ABCA8: variants seen among roughly 807,000 people sequenced by gnomAD.
ABCA8 encodes ABC-type organic anion transporter ABCA8.
Under a neutral mutation model 192.3 loss-of-function variants are expected in ABCA8, and 177 were observed. The ratio of observed to expected loss-of-function variants is 0.92; its 90% CI spans 0.81 to 1.04. The LOEUF (loss-of-function observed/expected upper bound fraction) is 1.04. Ranked by LOEUF, ABCA8 falls within the 50% of genes least tolerant of loss-of-function variation. The probability of loss-of-function intolerance (pLI) is 0.00; values close to 1 mark genes in which losing one functional copy is unlikely to be tolerated. For synonymous variants in ABCA8, 642 were observed against 690.2 expected (o/e 0.93, Z 1.09); for missense variants, 1,915 against 1,904.8 (o/e 1.01, Z -0.10).
chr17:68,878,609 G>C (rs147104478), intron 32 of ABCA8: 1 of 152,172 alleles, frequency 6.6e-6, no homozygotes, highest in Admixed American at 6.5e-5. Context: ...TCTACTTCAG[G>C]TCAGACTTAC....
chr17:68,954,412 A>G (rs1019821816), intron 1 of ABCA8, among the ~76,000 whole-genome samples: 3 of 152,118 alleles, frequency 2.0e-5, no homozygotes, highest in East Asian at 1.9e-4. Context: ...ATCGTAAAGT[A>G]TTATTGCCAA....
intron 17 of ABCA8, among the ~76,000 whole-genome samples, chr17:68,916,495 T>C (rs1324160029): frequency 6.6e-6 from 1 of 152,140 alleles, no homozygotes; most frequent in Non-Finnish European, 1.5e-5. Flanking sequence ...TGTACCCCCA[T>C]AAATCTATAC....
At chr17:68,880,331 G>T (rs572118670) in intron 32 of ABCA8, 1 of 152,096 alleles carries the variant, frequency 6.6e-6, no homozygotes, top group Admixed American at 6.5e-5. Flanking sequence ...CTATTCTGTC[G>T]CTCAGTGAAG....
rs2066366712 is a variant in ABCA8 at position 68,882,736 on chromosome 17, C to G, written c.3708-17G>C. On this transcript the variant is annotated splice_polypyrimidine_tract_variant and intron_variant, in intron 29 of 39. Coordinates refer to ENST00000586539, the MANE Select transcript of ABCA8 (RefSeq NM_001288985.2). ...GGAGAAATTCTAGAGTCAAAACCAT[C>G]CATTAATATTGATTTCTGGCTTTCA... 10 of 1,602,200 alleles carry G rather than the reference C, an allele frequency of 6.2e-6. No homozygotes were observed. The highest frequency in any genetic ancestry group is 1.3e-5 in the African/African-American group (1 of 74,328).
Position 68,929,214 on chromosome 17 carries a change from C to A in ABCA8, c.960G>T (p.Met320Ile), listed in dbSNP as rs747938078. Residue 320 changes from methionine to isoleucine, a missense_variant, in exon 9 of 40, where the codon ATG becomes ATT. Physicochemically the swap from Met to Ile is conservative, Grantham distance 10. Coordinates refer to ENST00000586539, the MANE Select transcript of ABCA8 (RefSeq NM_001288985.2). ...GGAAAGATTTCTTTACCAAGATGCTCATTAAGAAAGCCAAAGCTACCTAAA... is the reference window on the plus strand; with the variant it reads ...GGAAAGATTTCTTTACCAAGATGCTAATTAAGAAAGCCAAAGCTACCTAAA... ...GLSLVALAFL[M>I]SILVKKSFLT... 2.2e-5 allele frequency: 35 copies of A among 1,598,328 alleles called. No individual in the cohort carries two copies. Among genetic ancestry groups the A allele is most frequent in the Non-Finnish European group, 3.0e-5 (35 of 1,173,444 alleles).
At chr17:68,896,908 A>G (rs1026334834) in intron 21 of ABCA8, among the ~76,000 whole-genome samples, 11 of 152,208 alleles carry the variant, frequency 7.2e-5, no homozygotes, top group African/African-American at 2.4e-4. Flanking sequence ...TTGCACCTCA[A>G]ACTGTAGAAG....
rs1277728093 is a variant in ABCA8 at position 68,918,564 on chromosome 17, T to C, written c.1789-18A>G. The C allele has an allele frequency of 6.8e-7, 1 of 1,467,882 alleles. No homozygotes were observed. The highest frequency in any genetic ancestry group is 8.9e-7 in the Non-Finnish European group (1 of 1,120,074). 90.9% of individuals were successfully genotyped at this position (1,467,882 alleles called of 1,614,324 possible). A position where few individuals can be genotyped will look rare whatever the true frequency, so the allele number is the denominator to read the frequency against. On this transcript the variant is annotated intron_variant, in intron 14 of 39. Coordinates refer to ENST00000586539, the MANE Select transcript of ABCA8 (RefSeq NM_001288985.2). ...CTTTGTATCTAACCAAAAGACAGTA[T>C]TTATGTCATACACCAAAATTTATTC...
intron 10 of ABCA8, among the ~76,000 whole-genome samples, chr17:68,927,229 G>A (rs890056866): frequency 3.3e-5 from 5 of 152,070 alleles, no homozygotes; most frequent in African/African-American, 1.2e-4. Context: ...CTGCACTCCA[G>A]CCTGGATGAC....
chr17:68,924,585 T>C (rs1342744635), intron 11 of ABCA8, 116 bp downstream of exon 11: 2 of 1,100,782 alleles, frequency 1.8e-6, no homozygotes, highest in East Asian at 2.5e-5. Context: ...AGAAGCAGCA[T>C]AGGTGAGGAC....
chr17:68,897,649 TAA>T (rs1271900933), intron 21 of ABCA8, among the ~76,000 whole-genome samples: 1 of 152,074 alleles, frequency 6.6e-6, no homozygotes, highest in African/African-American at 2.4e-5. Context: ...ATTATACCAA[TAA>T]AAAGTTATTT....
intron 32 of ABCA8, chr17:68,879,295 A>C (rs1414089887): frequency 6.6e-6 from 1 of 152,234 alleles, no homozygotes; most frequent in Non-Finnish European, 1.5e-5. Context: ...AGTTTTATGA[A>C]AGATTAAATA....
chr17:68,943,079 C>T (rs1211917400), intron 2 of ABCA8, among the ~76,000 whole-genome samples: 1 of 151,992 alleles, frequency 6.6e-6, no homozygotes, highest in East Asian at 1.9e-4. Flanking sequence ...GCTCTCTTTA[C>T]TAATTTGTTG....
rs139470308 is a variant in ABCA8 at position 68,877,566 on chromosome 17, G to A, written c.4152C>T (p.Ala1384=). Residue 1384 remains alanine, a synonymous_variant, in exon 33 of 40, where the codon GCC becomes GCT. Coordinates refer to ENST00000586539, the MANE Select transcript of ABCA8 (RefSeq NM_001288985.2). ...LTVRQHLEVY[A]AVKGLRKGDA... is the part of the protein sequence containing the mutation. ...CCCCTTTCCTCAGCCCTTTCACGGCGGCGTACACCTCCAGGTGCTGCCTCA... is the reference window on the plus strand; with the variant it reads ...CCCCTTTCCTCAGCCCTTTCACGGCAGCGTACACCTCCAGGTGCTGCCTCA... 1.9e-5 allele frequency: 31 copies of A among 1,613,810 alleles called. No individual in the cohort carries two copies. The African/African-American group carries it at 2.1e-4, about 11-fold the overall frequency.
intron 24 of ABCA8, among the ~76,000 whole-genome samples, chr17:68,888,630 T>C (rs1453605597): frequency 6.6e-6 from 1 of 152,124 alleles, no homozygotes; most frequent in Non-Finnish European, 1.5e-5. Context: ...ATGGAGAAAA[T>C]AGCAAGGGGG....
intron 22 of ABCA8, among the ~76,000 whole-genome samples, 184 bp from the exon 23 acceptor site, chr17:68,894,494 TA>T (rs1313663130): frequency 6.6e-5 from 10 of 152,212 alleles, no homozygotes; most frequent in Non-Finnish European, 1.5e-4. Context: ...AACATGTATA[TA>T]GTAAAACTAA....
At position 68,929,680 on chromosome 17, in the gene ABCA8, C is replaced by T; in HGVS notation, c.820G>A (p.Ala274Thr). 6.2e-7 allele frequency: 1 copy of T among 1,613,138 alleles called. No individual in the cohort carries two copies. ...AGGGCCATAATGAAGATGAAACCAG[C>T]ATAGAGCAAACCCCAGGAGAGCCTA... ...AFWLSWGLLY[A>T]GFIFIMALFL... The change falls in exon 8 of 40, where the codon GCT becomes ACT. Residue 274 changes from alanine (A) to threonine (T), a missense_variant. Ala to Thr is a moderately conservative substitution (Grantham distance 58). Coordinates refer to ENST00000586539, the MANE Select transcript of ABCA8 (RefSeq NM_001288985.2).
In ABCA8 at chr17:68,868,073, G is replaced by T. The variant is rs1213594264; in HGVS notation, c.*12C>A. On this transcript the variant is annotated 3_prime_UTR_variant, in exon 40 of 40. Transcript: ENST00000586539. ...AACCACGGGTTTAAACAGGAACACA[G>T]AATTTGGGGTTTTAAGGCTCTTCCT... 2 of 1,588,876 alleles carry T rather than the reference G, an allele frequency of 1.3e-6. No homozygotes were observed. The highest frequency in any genetic ancestry group is 8.6e-7 in the Non-Finnish European group (1 of 1,169,432).
At chr17:68,933,128 T>C in intron 6 of ABCA8, 40 bp downstream of exon 6, 2 of 1,350,406 alleles carry the variant, frequency 1.5e-6, no homozygotes, top group Non-Finnish European at 2.1e-6. Flanking sequence ...ATCATTAACT[T>C]GCATTAAACA....
chr17:68,944,198 A>G (rs576498288), intron 2 of ABCA8, among the ~76,000 whole-genome samples: 2 of 150,826 alleles, frequency 1.3e-5, no homozygotes, highest in East Asian at 3.9e-4. Context: ...ACAAATACCT[A>G]ATGCATGTGG....
Sources: gnomAD v4.1 joint callset for allele counts (sites outside exome capture counted in the v4.1 genomes callset) on GRCh38, gnomAD v4.1.1 for gene constraint, MANE v1.5 for transcripts, NCBI Gene and HGNC (gene_info 2026-07-23, HGNC 2026-07-21) for gene names.